The following KATNIP variants were observed in gnomAD, a reference collection of about 807,000 sequenced individuals.
KATNIP encodes katanin interacting protein, also known as katanin-interacting protein.
KATNIP carries 126 observed loss-of-function variants against 174.0 expected under a neutral mutation model. That is an observed-to-expected ratio of 0.72 (90% CI 0.63 to 0.84). The LOEUF (loss-of-function observed/expected upper bound fraction) is 0.84. KATNIP is among the 40% of genes least tolerant of loss of function. The pLI is 0.00. For synonymous variants in KATNIP, 810 were observed against 835.7 expected (o/e 0.97, Z 0.53); for missense variants, 1,958 against 2,109.7 (o/e 0.93, Z 1.41).
chr16:27,589,112 G>T (rs1377297011), intron 2 of KATNIP, among the ~76,000 whole-genome samples: 2 of 150,992 alleles, frequency 1.3e-5, no homozygotes, highest in Admixed American at 6.6e-5. Flanking sequence ...CACCATGTTG[G>T]CCAGGCTGGT....
Position 27,740,637 on chromosome 16 carries a change from G to GC in KATNIP, c.2344dup (p.Leu782ProfsTer15). ...AACCCCTCTGGCTTAGTCCCGAGAA[G>GC]CCCCTGGCCTGGAAGGGCAGGCTCC... On this transcript the variant is annotated frameshift_variant, in exon 15 of 28. Transcript: ENST00000261588. LOFTEE classifies it high-confidence loss of function. 1 of 1,614,216 alleles carries GC rather than the reference G, an allele frequency of 6.2e-7. No individual in the cohort carries two copies. Among genetic ancestry groups the GC allele is most frequent in the Non-Finnish European group, 8.5e-7 (1 of 1,180,030 alleles).
intron 2 of KATNIP, among the ~76,000 whole-genome samples, chr16:27,597,578 C>T (rs548407817): frequency 7.9e-5 from 12 of 151,996 alleles, no homozygotes; most frequent in African/African-American, 2.9e-4. Flanking sequence ...CATCGGATTC[C>T]CTGGTATTCA....
intron 1 of KATNIP, among the ~76,000 whole-genome samples, chr16:27,564,100 C>T (rs1019986324): frequency 3.9e-5 from 6 of 151,996 alleles, no homozygotes; most frequent in Non-Finnish European, 7.4e-5. Context: ...GGGGAGTTGA[C>T]GGGGCCTGGC....
chr16:27,651,382 T>C (rs1026987714), intron 6 of KATNIP, among the ~76,000 whole-genome samples: 2 of 151,514 alleles, frequency 1.3e-5, no homozygotes. Context: ...AAAATGGCAA[T>C]GCCAGTTTTC....
rs1347036908 is a variant in KATNIP at position 27,573,951 on chromosome 16, A to C, written c.58A>C (p.Lys20Gln). The stretch of plus-strand genomic sequence containing the variant: ...AAGCTGGTCCTGCTCACGAGAGAAA[A>C]AGGAGGTAAATGTGTCCCTGGCGAG... ...ERSWSCSREKKEGYAKDMVTD... is the reference protein window; with the variant it reads ...ERSWSCSREKQEGYAKDMVTD... The change falls in exon 2 of 28, where the codon AAG becomes CAG. Residue 20 changes from lysine to glutamine, a missense_variant. Coordinates refer to ENST00000261588, the MANE Select transcript of KATNIP (RefSeq NM_015202.5). 6.2e-7 allele frequency: 1 copy of C among 1,614,082 alleles called. No homozygotes were observed. The highest frequency in any genetic ancestry group is 8.5e-7 in the Non-Finnish European group (1 of 1,179,980).
At chr16:27,562,893 G>A (rs2089943884) in intron 1 of KATNIP, among the ~76,000 whole-genome samples, 1 of 152,214 alleles carries the variant, frequency 6.6e-6, no homozygotes, top group African/African-American at 2.4e-5. Flanking sequence ...ATCCCAGAAA[G>A]AGCAGGGGGA....
intron 2 of KATNIP, among the ~76,000 whole-genome samples, chr16:27,577,287 A>T (rs1251410803): frequency 6.6e-6 from 1 of 152,202 alleles, no homozygotes; most frequent in African/African-American, 2.4e-5. Context: ...CACGCCTGTT[A>T]TCCCAGCACT....
At chr16:27,757,412 A>T (rs1306738185) in intron 18 of KATNIP, 1 of 780,238 alleles carries the variant, frequency 1.3e-6, no homozygotes, top group African/African-American at 1.9e-5. Flanking sequence ...AGCGGGTCAG[A>T]GTGTGGTCAC....
chr16:27,696,065 G>A (rs938167380), intron 8 of KATNIP, among the ~76,000 whole-genome samples: 3 of 152,108 alleles, frequency 2.0e-5, no homozygotes, highest in African/African-American at 7.2e-5. Context: ...AGTTTTATTA[G>A]GTGCTTCTTT....
At chr16:27,590,574 G>A (rs1052605455) in intron 2 of KATNIP, among the ~76,000 whole-genome samples, 1 of 152,142 alleles carries the variant, frequency 6.6e-6, no homozygotes, top group Non-Finnish European at 1.5e-5. Flanking sequence ...GTGAGCACAG[G>A]GTCTCTTTTT....
chr16:27,777,622 G>T lies in KATNIP; in HGVS notation c.4564G>T (p.Asp1522Tyr), dbSNP rs768377844. ...GVKEFGLLVDDLLVYNGILAM... is the reference protein window; with the variant it reads ...GVKEFGLLVDYLLVYNGILAM... ...CGTGTCCCTGCAGCTCCTGGTGGAC[G>T]ACCTGCTTGTGTACAATGGGATCCT... is the stretch of plus-strand genomic sequence containing the variant. Residue 1522 changes from aspartate (D) to tyrosine (Y), a missense_variant, in exon 26 of 28, where the codon GAC (aspartate) becomes TAC (tyrosine). By Grantham distance (160) the Asp-to-Tyr change is radical. Transcript: ENST00000261588. The surrounding 1 kb of genome is among the most constrained non-coding windows in gnomAD (Gnocchi z 4.4). The T allele has an allele frequency of 1.4e-5, 23 of 1,610,018 alleles. No individual in the cohort carries two copies. The highest frequency in any genetic ancestry group is 1.9e-5 in the Non-Finnish European group (22 of 1,177,800).
At chr16:27,573,645 T>C (rs980026427) in intron 1 of KATNIP, among the ~76,000 whole-genome samples, 1 of 152,254 alleles carries the variant, frequency 6.6e-6, no homozygotes, top group Non-Finnish European at 1.5e-5. Flanking sequence ...AGAGTACAGA[T>C]AATGTTCCAG....
intron 6 of KATNIP, among the ~76,000 whole-genome samples, chr16:27,650,285 C>T (rs1230830703): frequency 2.0e-5 from 3 of 152,076 alleles, no homozygotes; most frequent in African/African-American, 7.2e-5. Context: ...AGGATGCAGG[C>T]ACAGTGTGAA....
chr16:27,641,130 T>G (rs1302571941), intron 5 of KATNIP, among the ~76,000 whole-genome samples: 1 of 149,330 alleles, frequency 6.7e-6, no homozygotes, highest in Non-Finnish European at 1.5e-5. Context: ...AGAGTGAGGC[T>G]CTGTCTCAAA....
intron 8 of KATNIP, chr16:27,687,337 A>G (rs1199057618): frequency 6.6e-6 from 1 of 151,964 alleles, no homozygotes; most frequent in Non-Finnish European, 1.5e-5. Flanking sequence ...ATTTAAAAAT[A>G]TTTTCTAGGT....
intron 2 of KATNIP, among the ~76,000 whole-genome samples, chr16:27,609,817 G>A (rs1471921189): frequency 3.3e-5 from 5 of 150,710 alleles, no homozygotes; most frequent in African/African-American, 1.2e-4. Context: ...TCAGCCTCCC[G>A]TGTAGCTGGG....
intron 2 of KATNIP, among the ~76,000 whole-genome samples, chr16:27,589,348 C>T (rs1234257068): frequency 6.6e-6 from 1 of 152,184 alleles, no homozygotes; most frequent in Non-Finnish European, 1.5e-5. Flanking sequence ...CTTTGTGGGC[C>T]ACACGGTCTC....
intron 15 of KATNIP, among the ~76,000 whole-genome samples, chr16:27,745,295 G>A (rs932153212): frequency 1.3e-5 from 2 of 152,208 alleles, no homozygotes; most frequent in East Asian, 1.9e-4. Context: ...AACCAAGGAC[G>A]CTTCTTTCTA....
chr16:27,596,926 G>A (rs553063231), intron 2 of KATNIP, among the ~76,000 whole-genome samples: 22 of 152,276 alleles, frequency 1.4e-4, no homozygotes, highest in Middle Eastern at 3.4e-3. Flanking sequence ...GGGAGGCTGA[G>A]GCAGGAGAAT....
Sources: gnomAD v4.1 joint callset for allele counts (sites outside exome capture counted in the v4.1 genomes callset) on GRCh38, gnomAD v4.1.1 for gene constraint, Gnocchi (gnomAD v3.1) non-coding constraint, MANE v1.5 for transcripts, NCBI Gene and HGNC (gene_info 2026-07-23, HGNC 2026-07-21) for gene names.